C8orf34: variants seen among roughly 807,000 people sequenced by gnomAD.
C8orf34 encodes the protein uncharacterized protein C8orf34.
A neutral mutation model predicts 68.3 loss-of-function variants in C8orf34; 65 were observed. The observed-to-expected ratio is 0.95, with a 90% CI of 0.78 to 1.17. The LOEUF (loss-of-function observed/expected upper bound fraction) is 1.17. C8orf34 is among the 50% of genes most tolerant of loss of function. The probability of loss-of-function intolerance (pLI) is 0.00; values close to 1 mark genes in which losing one functional copy is unlikely to be tolerated. For missense variants in C8orf34, 664 were observed against 655.4 expected (o/e 1.01, Z -0.14); for synonymous variants, 244 against 241.2 (o/e 1.01, Z -0.11).
chr8:68,346,774 T>C (rs1051377788), intron 1 of C8orf34, among the ~76,000 whole-genome samples: 20 of 152,144 alleles, frequency 1.3e-4, no homozygotes, highest in Non-Finnish European at 2.2e-4. Flanking sequence ...CATGGCTTGA[T>C]AGCTTATTTC....
At chr8:68,427,568 T>C (rs535068932) in intron 1 of C8orf34, among the ~76,000 whole-genome samples, 1 of 152,254 alleles carries the variant, frequency 6.6e-6, no homozygotes, top group African/African-American at 2.4e-5. Flanking sequence ...GATGTGACTA[T>C]AGAGTGATAG....
intron 10 of C8orf34, among the ~76,000 whole-genome samples, chr8:68,774,491 C>T (rs1823449721): frequency 6.6e-6 from 1 of 151,816 alleles, no homozygotes; most frequent in Admixed American, 6.6e-5. Flanking sequence ...AATAGAACTA[C>T]CTTATCTCTT....
intron 7 of C8orf34, among the ~76,000 whole-genome samples, chr8:68,568,130 A>G (rs1411406783): frequency 3.9e-5 from 6 of 152,182 alleles, no homozygotes; most frequent in Non-Finnish European, 1.5e-5. Context: ...GACAGAGTTC[A>G]TGGTGCCCCA....
intron 12 of C8orf34, chr8:68,792,360 C>G (rs1157348421): frequency 6.6e-6 from 1 of 152,130 alleles, no homozygotes; most frequent in Non-Finnish European, 1.5e-5. Context: ...ATCACGAGGT[C>G]AGGAGATCGA....
chr8:68,710,189 G>A (rs1821291590), intron 9 of C8orf34, among the ~76,000 whole-genome samples: 1 of 152,038 alleles, frequency 6.6e-6, no homozygotes, highest in African/African-American at 2.4e-5. Context: ...GTGAACTTTT[G>A]CTCCAAGAAG....
In C8orf34 at chr8:68,818,562, C is replaced by A. The variant is rs77705633; in HGVS notation, c.*316C>A. 34,476 of 243,176 alleles carry A rather than the reference C, an allele frequency of 0.14. 2,935 individuals carry two copies. Among genetic ancestry groups the A allele is most frequent in the East Asian group, 0.41 (4,881 of 12,020 alleles). 15.1% of individuals were successfully genotyped at this position (243,176 alleles called of 1,614,324 possible). On this transcript the variant is annotated 3_prime_UTR_variant, in exon 14 of 14. Transcript: ENST00000518698. ...ATTAAATATTGCCTGATTCAAATAA[C>A]TTTGCTTAAAATTTTTCTGTATTTT...
At chr8:68,682,646 G>A (rs77219890) in intron 8 of C8orf34, among the ~76,000 whole-genome samples, 1 of 152,248 alleles carries the variant, frequency 6.6e-6, no homozygotes, top group East Asian at 1.9e-4. Context: ...ATCTTATTTT[G>A]TGGTGGTGTA....
chr8:68,782,000 C>T (rs1260895680), intron 11 of C8orf34, among the ~76,000 whole-genome samples: 2 of 152,198 alleles, frequency 1.3e-5, no homozygotes, highest in Admixed American at 1.3e-4. Flanking sequence ...TGACTTACTA[C>T]TCATATCTTT....
intron 7 of C8orf34, among the ~76,000 whole-genome samples, chr8:68,629,527 A>G (rs1339855771): frequency 6.6e-6 from 1 of 152,172 alleles, no homozygotes; most frequent in Non-Finnish European, 1.5e-5. Flanking sequence ...TATTCCTCCA[A>G]AAACTAACAT....
intron 12 of C8orf34, among the ~76,000 whole-genome samples, chr8:68,801,614 C>T (rs1824329177): frequency 6.6e-6 from 1 of 152,098 alleles, no homozygotes; most frequent in Non-Finnish European, 1.5e-5. Flanking sequence ...TGTCTGAATC[C>T]TTCCTGCTAA....
At chr8:68,717,492 CAA>C (rs10555331) in intron 9 of C8orf34, among the ~76,000 whole-genome samples, 4,618 of 114,906 alleles carry the variant, frequency 0.04, 223 homozygotes, top group African/African-American at 0.12. Flanking sequence ...GACTCTGTCT[CAA>C]AAAAAAAAAA....
chr8:68,681,680 A>G (rs758483745), intron 8 of C8orf34, among the ~76,000 whole-genome samples: 1 of 152,164 alleles, frequency 6.6e-6, no homozygotes, highest in Non-Finnish European at 1.5e-5. Flanking sequence ...CCCCCTCACA[A>G]AAAGGAAATC....
intron 12 of C8orf34, among the ~76,000 whole-genome samples, chr8:68,811,499 A>G (rs1824650972): frequency 6.6e-6 from 1 of 152,160 alleles, no homozygotes; most frequent in Admixed American, 6.6e-5. Flanking sequence ...CATTGGCTCC[A>G]TGGAGTGCAC....
chr8:68,555,794 T>C (rs761041647), intron 7 of C8orf34, among the ~76,000 whole-genome samples: 1 of 152,186 alleles, frequency 6.6e-6, no homozygotes, highest in African/African-American at 2.4e-5. Flanking sequence ...GTAGGTATAG[T>C]TCATTTACTT....
chr8:68,516,653 A>T (rs1159177963), intron 5 of C8orf34, among the ~76,000 whole-genome samples: 4 of 148,982 alleles, frequency 2.7e-5, no homozygotes, highest in Non-Finnish European at 5.9e-5. Flanking sequence ...TTTATTTTTT[A>T]TTTATTTGAG....
intron 8 of C8orf34, among the ~76,000 whole-genome samples, chr8:68,653,660 T>C (rs1819428976): frequency 6.6e-6 from 1 of 152,170 alleles, no homozygotes; most frequent in African/African-American, 2.4e-5. Flanking sequence ...GAAAGACAGC[T>C]GGATAGCTCT....
chr8:68,695,355 G>T (rs1820800700), intron 8 of C8orf34, among the ~76,000 whole-genome samples: 1 of 151,968 alleles, frequency 6.6e-6, no homozygotes, highest in South Asian at 2.1e-4. Context: ...CACCTTGTTG[G>T]CCAGGCTGGT....
chr8:68,590,151 G>C (rs1161526633), intron 7 of C8orf34, among the ~76,000 whole-genome samples: 1 of 142,896 alleles, frequency 7.0e-6, no homozygotes. Context: ...AAAAGGAAAG[G>C]AAAGGAAAGA....
At chr8:68,505,738 C>CAAAAAAAAAAAAAAAA (rs778441254) in intron 5 of C8orf34, among the ~76,000 whole-genome samples, 1 of 68,296 alleles carries the variant, frequency 1.5e-5, no homozygotes, top group African/African-American at 4.6e-5. Flanking sequence ...ACTCCGTCTC[C>CAAAAAAAAAAAAAAAA]AAAAAAAAAA....
Sources: gnomAD v4.1 joint callset for allele counts (sites outside exome capture counted in the v4.1 genomes callset) on GRCh38, gnomAD v4.1.1 for gene constraint, MANE v1.5 for transcripts, NCBI Gene and HGNC (gene_info 2026-07-23, HGNC 2026-07-21) for gene names.